The following SH3D19 variants were observed in gnomAD, a reference collection of about 807,000 sequenced individuals.
SH3D19 encodes SH3 domain containing 19, also known as SH3 domain-containing protein 19.
A neutral mutation model predicts 112.1 loss-of-function variants in SH3D19; 58 were observed. The ratio of observed to expected loss-of-function variants is 0.52; its 90% confidence interval spans 0.42 to 0.64. The LOEUF (loss-of-function observed/expected upper bound fraction) is 0.64. Among genes scored for constraint, SH3D19 ranks in the 30% least tolerant of loss-of-function variants. The probability of loss-of-function intolerance (pLI) is 0.00; values close to 1 mark genes in which losing one functional copy is unlikely to be tolerated. For synonymous variants in SH3D19, 391 were observed against 448.5 expected, an observed-to-expected ratio of 0.87 and a Z score of 1.62; for missense variants, 1,090 against 1,263.4, an observed-to-expected ratio of 0.86 and a Z score of 2.08.
intron 1 of SH3D19, among the ~76,000 whole-genome samples, chr4:151,272,167 G>A (rs1401714410): frequency 6.6e-6 from 1 of 152,186 alleles, no homozygotes; most frequent in Non-Finnish European, 1.5e-5. Flanking sequence ...TTTATAGACA[G>A]ATAATGTAGG....
intron 1 of SH3D19, among the ~76,000 whole-genome samples, chr4:151,310,081 AAAAG>A (rs1387385343): frequency 7.3e-5 from 11 of 151,660 alleles, no homozygotes; most frequent in Non-Finnish European, 1.6e-4. Flanking sequence ...CCCTGTCTCA[AAAAG>A]AAAGTCAGTT....
intron 1 of SH3D19, among the ~76,000 whole-genome samples, chr4:151,268,279 G>T (rs1772961911): frequency 6.6e-6 from 1 of 152,052 alleles, no homozygotes; most frequent in Admixed American, 6.6e-5. Context: ...ATAAAAACTG[G>T]TACACCTATA....
chr4:151,255,193 G>C (rs1771760602), intron 1 of SH3D19, among the ~76,000 whole-genome samples: 1 of 151,644 alleles, frequency 6.6e-6, no homozygotes, highest in South Asian at 2.1e-4. Context: ...TCCCAGATGG[G>C]GTGGCTGCCG....
intron 1 of SH3D19, chr4:151,228,142 A>G (rs1769279546): frequency 1.5e-6 from 1 of 680,220 alleles, no homozygotes; most frequent in African/African-American, 2.0e-5. Flanking sequence ...TTGAACCAGT[A>G]ATTAAAATTC....
At chr4:151,253,106 C>A (rs942483937) in intron 1 of SH3D19, among the ~76,000 whole-genome samples, 2 of 152,232 alleles carry the variant, frequency 1.3e-5, no homozygotes, top group African/African-American at 4.8e-5. Context: ...TCTTCCCATA[C>A]TACTAAGAAT....
intron 3 of SH3D19, among the ~76,000 whole-genome samples, chr4:151,186,386 A>AAAG (rs778494624): frequency 5.9e-5 from 9 of 152,246 alleles, no homozygotes; most frequent in Admixed American, 1.3e-4. Context: ...TATATTGTGA[A>AAAG]AAGTACCTGT....
chr4:151,305,483 A>G (rs1728831153), intron 1 of SH3D19, among the ~76,000 whole-genome samples: 1 of 152,200 alleles, frequency 6.6e-6, no homozygotes, highest in African/African-American at 2.4e-5. Context: ...AAACAACCCA[A>G]TTTTTAAATG....
chr4:151,246,086 C>CATT (rs1331237432), intron 1 of SH3D19, among the ~76,000 whole-genome samples: 2 of 150,102 alleles, frequency 1.3e-5, no homozygotes, highest in African/African-American at 2.4e-5. Flanking sequence ...TCCCTGGTGG[C>CATT]ATTTGTTCTG....
intron 1 of SH3D19, among the ~76,000 whole-genome samples, chr4:151,248,763 C>T (rs1455230969): frequency 6.6e-6 from 1 of 152,094 alleles, no homozygotes; most frequent in African/African-American, 2.4e-5. Flanking sequence ...ATATATTCTT[C>T]CTCTTACCTC....
intron 2 of SH3D19, among the ~76,000 whole-genome samples, chr4:151,197,088 G>C (rs924701508): frequency 6.6e-6 from 1 of 152,144 alleles, no homozygotes; most frequent in East Asian, 1.9e-4. Flanking sequence ...ACAGTGTGGA[G>C]ATTCCTTAAA....
intron 1 of SH3D19, among the ~76,000 whole-genome samples, chr4:151,238,289 GAA>G (rs1314332936): frequency 2.0e-5 from 3 of 152,134 alleles, no homozygotes. Flanking sequence ...ATCTATTTAT[GAA>G]ATTACTGGAA....
chr4:151,263,757 C>G (rs766845710), intron 1 of SH3D19, among the ~76,000 whole-genome samples: 2 of 151,580 alleles, frequency 1.3e-5, no homozygotes, highest in Non-Finnish European at 2.9e-5. Context: ...CAAGACAGAG[C>G]AATAGAGAAC....
At chr4:151,228,496 CTG>C (rs750213518) in intron 1 of SH3D19, among the ~76,000 whole-genome samples, 7 of 151,076 alleles carry the variant, frequency 4.6e-5, no homozygotes, top group Admixed American at 2.7e-4. Flanking sequence ...TGTTGCGTAT[CTG>C]TGTGTCTTAT....
At chr4:151,211,504 G>C (rs1198034309) in intron 2 of SH3D19, among the ~76,000 whole-genome samples, 1 of 151,802 alleles carries the variant, frequency 6.6e-6, no homozygotes, top group Admixed American at 6.6e-5. Flanking sequence ...AGTTTAGTGA[G>C]GAAGGCAGGT....
intron 1 of SH3D19, among the ~76,000 whole-genome samples, chr4:151,289,079 C>T (rs1384654078): frequency 6.6e-6 from 1 of 152,108 alleles, no homozygotes; most frequent in Non-Finnish European, 1.5e-5. Flanking sequence ...AGAAATAAAC[C>T]CTTATATTTA....
chr4:151,315,218 TCACACCTACTGCATAGGATTGGTAC>T (rs952162834), intron 1 of SH3D19, among the ~76,000 whole-genome samples: 1 of 152,140 alleles, frequency 6.6e-6, no homozygotes, highest in Non-Finnish European at 1.5e-5. Context: ...AAGGAAACAA[TCACACCTACTGCATAGGATTGGTAC>T]CAGGACTAAA....
chr4:151,145,335 A>G (rs184687393), intron 11 of SH3D19, among the ~76,000 whole-genome samples: 1 of 152,324 alleles, frequency 6.6e-6, no homozygotes, highest in African/African-American at 2.4e-5. Flanking sequence ...GGCCTGAAGC[A>G]GCTGAAGAAC....
intron 1 of SH3D19, chr4:151,291,517 T>C (rs1226538876): frequency 2.4e-6 from 3 of 1,243,150 alleles, no homozygotes; most frequent in African/African-American, 3.0e-5. Context: ...ATTTTGTTTT[T>C]AAGGTTTTTG....
At chr4:151,264,008 T>C (rs1397167334) in intron 1 of SH3D19, among the ~76,000 whole-genome samples, 1 of 152,158 alleles carries the variant, frequency 6.6e-6, no homozygotes, top group African/African-American at 2.4e-5. Flanking sequence ...TCTTGTCATG[T>C]TGCCCAGGGT....
Sources: gnomAD v4.1 joint callset for allele counts (sites outside exome capture counted in the v4.1 genomes callset) on GRCh38, gnomAD v4.1.1 for gene constraint, MANE v1.5 for transcripts, NCBI Gene and HGNC (gene_info 2026-07-23, HGNC 2026-07-21) for gene names.